The following POU2F2 variants were observed in gnomAD, a reference collection of about 807,000 sequenced individuals.
The protein encoded by POU2F2 is POU class 2 homeobox 2.
In POU2F2, 14 loss-of-function variants were observed where a neutral mutation model predicts 63.5. The observed-to-expected ratio is 0.22, with a 90% CI of 0.15 to 0.34. POU2F2 has a LOEUF of 0.34. Ranked by LOEUF, POU2F2 falls within the 10% of genes least tolerant of loss-of-function variation. POU2F2 has a pLI of 1.00. For missense variants in POU2F2, 607 were observed against 815.2 expected (o/e 0.74, Z 3.11); for synonymous variants, 306 against 348.6 (o/e 0.88, Z 1.36).
chr19:42,188,785 G>A (rs2035042987), intron 1 of POU2F2, among the ~76,000 whole-genome samples: 1 of 144,964 alleles, frequency 6.9e-6, no homozygotes, highest in African/African-American at 2.5e-5. Flanking sequence ...GGGAGGGAAG[G>A]AAAGGGAGAG....
At position 42,095,210 on chromosome 19, in the gene POU2F2, A is replaced by C. The variant is rs1599935645; in HGVS notation, c.1197+76T>G. The C allele has an allele frequency of 2.0e-6, 3 of 1,492,352 alleles. No individual in the cohort carries two copies. The East Asian group carries it at 7.2e-5, about 36-fold the overall frequency. 92.4% of individuals were successfully genotyped at this position (1,492,352 alleles called of 1,614,324 possible). On this transcript the variant is annotated intron_variant, in intron 11 of 14. Transcript: ENST00000692977. This position sits in a 1 kb window ranked among gnomAD's most constrained non-coding sequence, Gnocchi z 7.1. Reference sequence around the variant, plus strand: ...GTCTCTGTTCTAGGCTCTGTGGACAACCAGGTAGGGTGGGCTTCACACAGG... The same window carrying C: ...GTCTCTGTTCTAGGCTCTGTGGACACCCAGGTAGGGTGGGCTTCACACAGG...
chr19:42,178,271 T>C (rs1022439882), upstream of POU2F2, among the ~76,000 whole-genome samples: 5 of 150,392 alleles, frequency 3.3e-5, no homozygotes, highest in African/African-American at 1.2e-4. Context: ...GTCAGAAAGA[T>C]AGCCACAGAG....
In POU2F2 at chr19:42,087,332, G is replaced by A. The variant is rs1056995; in HGVS notation, c.*3925C>T. ...TAGAGGAAGAGAGAGGCACCCTGGTGTTCATGTGGGTTAGAAAAACTAGTC... is the reference window on the plus strand; with the variant it reads ...TAGAGGAAGAGAGAGGCACCCTGGTATTCATGTGGGTTAGAAAAACTAGTC... On this transcript the variant is annotated 3_prime_UTR_variant, in exon 15 of 15. Transcript: ENST00000692977. The A allele has an allele frequency of 0.36, 54,987 of 151,866 alleles. 14,962 individuals are homozygous for A. Among genetic ancestry groups the A allele is most frequent in the African/African-American group, 0.76 (31,617 of 41,332 alleles). The allele number at this position is 151,866 out of a possible 1,614,324, so 9.4% of individuals were successfully genotyped here.
chr19:42,103,573 G>A (rs892078149), intron 5 of POU2F2, among the ~76,000 whole-genome samples: 1 of 151,742 alleles, frequency 6.6e-6, no homozygotes, highest in African/African-American at 2.4e-5. Context: ...TGATGTGCCA[G>A]GAAGTGAACA....
Position 42,093,978 on chromosome 19 carries a change from G to A in POU2F2, c.1198-83C>T, listed in dbSNP as rs997550506. The stretch of plus-strand genomic sequence containing the variant: ...GCTCCCTGTAGGACCCCACTCCTCC[G>A]TCCCAGGATGGGGGCAGGGGGCTTT... On this transcript the variant is annotated intron_variant, in intron 11 of 14. Coordinates refer to ENST00000692977, the MANE Select transcript of POU2F2 (RefSeq NM_001394376.1). 61 of 1,188,746 alleles carry A rather than the reference G, an allele frequency of 5.1e-5. 1 individual carries two copies. The highest frequency in any genetic ancestry group is 3.2e-4 in the East Asian group (13 of 40,352). The allele number at this position is 1,188,746 out of a possible 1,614,324, so 73.6% of individuals were successfully genotyped here.
intron 7 of POU2F2, chr19:42,099,230 A>G (rs1409033340): frequency 5.8e-6 from 2 of 347,030 alleles, no homozygotes; most frequent in Non-Finnish European, 1.1e-5. Context: ...GTTTTTACAC[A>G]TGAGCATTTT....
At chr19:42,116,892 G>GGCA (rs774143120) in intron 5 of POU2F2, 25 of 478,264 alleles carry the variant, frequency 5.2e-5, no homozygotes, top group Non-Finnish European at 8.6e-5. Flanking sequence ...CGGCGGCGGC[G>GGCA]GCAGCGGCGT....
chr19:42,132,490 A>G, upstream of POU2F2: 1 of 1,352,662 alleles, frequency 7.4e-7, no homozygotes. Context: ...TCCCTGCCGG[A>G]AGTCACTCAG....
upstream of POU2F2, among the ~76,000 whole-genome samples, chr19:42,136,110 C>A (rs2034006063): frequency 6.6e-6 from 1 of 152,056 alleles, no homozygotes. Context: ...ATCCAGCATT[C>A]AGGGACTTAA....
chr19:42,170,718 C>T (rs1380438645), intron 1 of POU2F2, among the ~76,000 whole-genome samples: 1 of 152,240 alleles, frequency 6.6e-6, no homozygotes, highest in Admixed American at 6.5e-5. Flanking sequence ...CACAAACATG[C>T]ACACATACAA....
At chr19:42,140,638 C>G (rs562334028) in intron 2 of POU2F2, among the ~76,000 whole-genome samples, 1 of 152,354 alleles carries the variant, frequency 6.6e-6, no homozygotes, top group African/African-American at 2.4e-5. Flanking sequence ...ATGCTCCACT[C>G]CATTCCCAGT....
chr19:42,106,779 A>G (rs1426762023), intron 5 of POU2F2, among the ~76,000 whole-genome samples: 28 of 142,428 alleles, frequency 2.0e-4, no homozygotes, highest in Non-Finnish European at 4.3e-4. Flanking sequence ...GGAAGAGGAG[A>G]AGGAGGAAGA....
chr19:42,176,845 C>A (rs2034892746), upstream of POU2F2, among the ~76,000 whole-genome samples: 1 of 151,664 alleles, frequency 6.6e-6, no homozygotes. Context: ...GCGGAGTGAG[C>A]GGCGCCCGCC....
intron 5 of POU2F2, among the ~76,000 whole-genome samples, chr19:42,114,038 G>A (rs2146532758): frequency 6.6e-6 from 1 of 152,262 alleles, no homozygotes; most frequent in East Asian, 1.9e-4. Context: ...AAGACAGAAA[G>A]GGAAAGATCA....
rs548240599 is a variant in POU2F2 at position 42,191,069 on chromosome 19, G to C, written c.-70+5314C>G. 8.9e-5 allele frequency among the ~76,000 whole-genome samples: 11 copies of C among 123,588 alleles called. No homozygotes were observed. The South Asian group carries it at 2.0e-3, about 23-fold the overall frequency. 81.1% of individuals were successfully genotyped at this position (123,588 alleles called of 152,430 possible). On this transcript the variant is annotated intron_variant, in intron 1 of 5. Transcript: ENST00000532176. ...AACCTGGGTGACAGAGCGAGACTCA[G>C]TTTCAAAAAAAAAAAAAAAAAAGGC...
chr19:42,100,059 G>T (rs777423845), intron 5 of POU2F2, among the ~76,000 whole-genome samples: 10 of 149,560 alleles, frequency 6.7e-5, no homozygotes, highest in Non-Finnish European at 1.5e-4. Context: ...TCCTGGGAGG[G>T]CTCACTCTTT....
chr19:42,127,990 C>A (rs1443648454), intron 1 of POU2F2, among the ~76,000 whole-genome samples: 1 of 152,072 alleles, frequency 6.6e-6, no homozygotes, highest in African/African-American at 2.4e-5. Context: ...TACTGGCAAA[C>A]TCTTGCTCCT....
chr19:42,164,626 T>A (rs2034614270), intron 1 of POU2F2, among the ~76,000 whole-genome samples: 1 of 151,662 alleles, frequency 6.6e-6, no homozygotes, highest in Non-Finnish European at 1.5e-5. Context: ...AATAAATTAT[T>A]TGGGTAAACT....
chr19:42,147,979 T>C (rs2034266000), intron 2 of POU2F2, among the ~76,000 whole-genome samples: 1 of 152,082 alleles, frequency 6.6e-6, no homozygotes, highest in Admixed American at 6.6e-5. Context: ...CAGGGTGTCA[T>C]GGTGAGTCCA....
Sources: allele counts gnomAD v4.1 joint callset (sites outside exome capture counted in the v4.1 genomes callset), GRCh38; gene constraint gnomAD v4.1.1; non-coding constraint Gnocchi (gnomAD v3.1); transcripts MANE v1.5; gene names NCBI Gene and HGNC (gene_info 2026-07-23, HGNC 2026-07-21).